Variants in LTN1 observed in about 807,000 individuals in gnomAD.
The protein encoded by LTN1 is listerin E3 ubiquitin protein ligase 1.
Under a neutral mutation model 201.2 loss-of-function variants are expected in LTN1, and 88 were observed. The ratio of observed to expected loss-of-function variants is 0.44; its 90% CI spans 0.37 to 0.52. The LOEUF is 0.52. Ranked by LOEUF, LTN1 falls within the 20% of genes least tolerant of loss-of-function variation. The pLI, the probability that LTN1 is intolerant of heterozygous loss-of-function variation, is 0.00. For missense variants in LTN1, 1,752 were observed against 2,038.7 expected, an observed-to-expected ratio of 0.86 and a Z score of 2.71; for synonymous variants, 645 against 713.5, an observed-to-expected ratio of 0.90 and a Z score of 1.53.
chr21:28,957,383 T>A lies in LTN1; in HGVS notation c.2841A>T (p.Val947=), dbSNP rs1276151727. 4.4e-6 allele frequency: 7 copies of A among 1,607,108 alleles called. No homozygotes were observed. In the Admixed American group the frequency reaches 1.2e-4, roughly 28 times the overall value. ...SYLMGVYIGS[V]MPNDSEWEKM... is the part of the protein sequence containing the mutation. ...TTTCCCATTCACTGTCGTTCGGCAT[T>A]ACACTTCCAATATAAACTCCCATAA... is the stretch of plus-strand genomic sequence containing the variant. The change falls in exon 15 of 30, where the codon GTA becomes GTT. Residue 947 remains valine (V), a synonymous_variant. Transcript: ENST00000361371.
intron 13 of LTN1, 74 bp from the exon 14 acceptor site, chr21:28,958,613 A>C: frequency 9.1e-7 from 1 of 1,098,986 alleles, no homozygotes; most frequent in Non-Finnish European, 1.3e-6. Context: ...GTTTGAAACA[A>C]CTCTACAGAT....
At chr21:28,933,153 C>G (rs2084224956) in intron 27 of LTN1, among the ~76,000 whole-genome samples, 2 of 152,108 alleles carry the variant, frequency 1.3e-5, no homozygotes, top group African/African-American at 4.8e-5. Flanking sequence ...ACATTATTAT[C>G]CTTTACAAAC....
chr21:28,961,658 T>C (rs1448007527), intron 11 of LTN1: 1 of 152,550 alleles, frequency 6.6e-6, no homozygotes, highest in Non-Finnish European at 1.5e-5. Flanking sequence ...AACTAGCCTA[T>C]GACCTTGGAC....
chr21:28,943,390 C>T (rs914561100), intron 23 of LTN1, 54 bp from the exon 24 acceptor site: 14 of 1,115,818 alleles, frequency 1.3e-5, no homozygotes, highest in East Asian at 4.7e-5. Flanking sequence ...TTTATTAAGT[C>T]GTGCTCAAGA....
At chr21:28,936,938 T>C (rs1462450276) in intron 25 of LTN1, among the ~76,000 whole-genome samples, 2 of 152,172 alleles carry the variant, frequency 1.3e-5, no homozygotes, top group Non-Finnish European at 2.9e-5. Context: ...GATGACTCCC[T>C]CACTCTCCTC....
intron 1 of LTN1, among the ~76,000 whole-genome samples, chr21:28,990,464 A>G (rs1315382910): frequency 1.3e-5 from 2 of 152,232 alleles, no homozygotes; most frequent in Admixed American, 6.5e-5. Flanking sequence ...AAATCACCAT[A>G]GTAATAACTG....
chr21:28,981,751 AAAG>A (rs1248725520), intron 5 of LTN1, among the ~76,000 whole-genome samples: 1 of 152,266 alleles, frequency 6.6e-6, no homozygotes, highest in Non-Finnish European at 1.5e-5. Flanking sequence ...GTCAAAAAGT[AAAG>A]AAGGAAACAT....
Position 28,965,879 on chromosome 21 carries a change from TAAG to T in LTN1, c.2146_2148del (p.Leu716del), listed in dbSNP as rs2084517588. On this transcript the variant is annotated inframe_deletion, in exon 11 of 30. Transcript: ENST00000361371. ...CCCTAAGATACCTTTTCAATAATCT[TAAG>T]AAGAGAATTCCATTTCAAGTCCACC... 1 of 1,510,600 alleles carries T rather than the reference TAAG, an allele frequency of 6.6e-7. No individual in the cohort carries two copies. Among genetic ancestry groups the T allele is most frequent in the South Asian group, 1.2e-5 (1 of 82,802 alleles). 93.6% of individuals were successfully genotyped at this position (1,510,600 alleles called of 1,614,324 possible). A position where few individuals can be genotyped will look rare whatever the true frequency, so the allele number is the denominator to read the frequency against.
chr21:28,950,160 T>C (rs2146276538), intron 18 of LTN1, among the ~76,000 whole-genome samples: 3 of 152,288 alleles, frequency 2.0e-5, no homozygotes, highest in Middle Eastern at 6.8e-3. Context: ...GCACTGAAAT[T>C]ATAGATTGAC....
At chr21:28,957,832 G>A (rs980506363) in intron 14 of LTN1, among the ~76,000 whole-genome samples, 22 of 152,048 alleles carry the variant, frequency 1.4e-4, no homozygotes, top group African/African-American at 5.1e-4. Context: ...TTTATTATAT[G>A]GATTTAGGTA....
intron 6 of LTN1, among the ~76,000 whole-genome samples, chr21:28,980,456 A>G (rs1386224290): frequency 6.6e-6 from 1 of 150,888 alleles, no homozygotes; most frequent in Admixed American, 6.6e-5. Flanking sequence ...TGACGAGTTA[A>G]GGGGTGCAGC....
chr21:28,960,591 C>G lies in LTN1; in HGVS notation c.2279G>C (p.Arg760Thr). 6.2e-7 allele frequency: 1 copy of G among 1,613,788 alleles called. No homozygotes were observed. Among genetic ancestry groups the G allele is most frequent in the Non-Finnish European group, 8.5e-7 (1 of 1,179,774 alleles). The change falls in exon 12 of 30, where the codon AGG (arginine) becomes ACG (threonine). Residue 760 changes from arginine (R) to threonine (T), a missense_variant. Arg to Thr is a moderately conservative substitution (Grantham distance 71, BLOSUM62 -1). Around this residue, in one of 3 missense-constraint regions of LTN1, gnomAD observed 1,211 missense variants for 1,312.8 expected, o/e 0.92. Transcript: ENST00000361371. Reference protein sequence around the residue: ...DCLCNEDLESRVSSESHFSER... With the variant: ...DCLCNEDLESTVSSESHFSER... ...TGAGAAGTGAGATTCTGAAGATACCCTGGATTCCAAGTCCTCATTACAAAG... is the reference window on the plus strand; with the variant it reads ...TGAGAAGTGAGATTCTGAAGATACCGTGGATTCCAAGTCCTCATTACAAAG...
rs3746842 is a variant in LTN1 at position 28,992,841 on chromosome 21, C to A, written c.-36G>T. ...GCAGCTGTACTCTGAGCACTCAGACCCCGGTTGACACGTCCGGGACACAAC... is the reference window on the plus strand; with the variant it reads ...GCAGCTGTACTCTGAGCACTCAGACACCGGTTGACACGTCCGGGACACAAC... On this transcript the variant is annotated 5_prime_UTR_variant, in exon 1 of 30. Transcript: ENST00000361371. The A allele has an allele frequency of 2.5e-6, 4 of 1,614,146 alleles. No individual in the cohort carries two copies. The highest frequency in any genetic ancestry group is 1.7e-5 in the Admixed American group (1 of 60,014).
chr21:28,932,399 T>C (rs1601158529), intron 28 of LTN1, 71 bp downstream of exon 28: 2 of 1,191,184 alleles, frequency 1.7e-6, no homozygotes, highest in Non-Finnish European at 2.4e-6. Context: ...ATATATTTTA[T>C]GTTTAAATGC....
chr21:28,988,169 A>T (rs867849819), intron 1 of LTN1, among the ~76,000 whole-genome samples: 17 of 136,894 alleles, frequency 1.2e-4, no homozygotes, highest in Admixed American at 3.7e-4. Flanking sequence ...ACAAAAAAAA[A>T]CAAATTGCTC....
chr21:28,936,258 T>C (rs1215285958), intron 26 of LTN1, among the ~76,000 whole-genome samples: 3 of 152,246 alleles, frequency 2.0e-5, no homozygotes, highest in Non-Finnish European at 2.9e-5. Context: ...CTATAAAATG[T>C]TATCACGTAA....
At chr21:28,978,117 T>C (rs1450132454) in intron 6 of LTN1, among the ~76,000 whole-genome samples, 1 of 152,052 alleles carries the variant, frequency 6.6e-6, no homozygotes, top group Non-Finnish European at 1.5e-5. Flanking sequence ...CAGCCTTGAC[T>C]TCCTGGGATC....
At chr21:28,960,464 AAAG>A in intron 12 of LTN1, 50 bp downstream of exon 12, 1 of 1,419,092 alleles carries the variant, frequency 7.0e-7, no homozygotes, top group Non-Finnish European at 9.7e-7. Flanking sequence ...AATCCCCCAC[AAAG>A]GAGAAATGGA....
At chr21:28,959,780 T>C (rs1379217520) in intron 12 of LTN1, 83 bp from the exon 13 acceptor site, 2 of 1,174,572 alleles carry the variant, frequency 1.7e-6, no homozygotes, top group Non-Finnish European at 1.2e-6. Flanking sequence ...TTAATAATTC[T>C]ATGGGTCTTT....
Sources: gnomAD v4.1 joint callset for allele counts (sites outside exome capture counted in the v4.1 genomes callset) on GRCh38, gnomAD v4.1.1 for gene constraint, gnomAD v4.1.1 regional missense constraint, MANE v1.5 for transcripts, NCBI Gene and HGNC (gene_info 2026-07-23, HGNC 2026-07-21) for gene names.